LRRC4C: variants seen among roughly 807,000 people sequenced by gnomAD.
The protein encoded by LRRC4C is leucine-rich repeat-containing protein 4C.
A neutral mutation model predicts 33.6 loss-of-function variants in LRRC4C; 5 were observed. The ratio of observed to expected loss-of-function variants is 0.15; its 90% CI spans 0.08 to 0.31. The LOEUF is 0.31. LRRC4C is among the 10% of genes least tolerant of loss of function. LRRC4C has a pLI of 1.00. For missense variants in LRRC4C, 560 were observed against 796.7 expected, an observed-to-expected ratio of 0.70 and a Z score of 3.58; for synonymous variants, 329 against 302.0, an observed-to-expected ratio of 1.09 and a Z score of -0.93.
chr11:40,831,618 G>A (rs1320798657), intron 2 of LRRC4C, among the ~76,000 whole-genome samples: 2 of 151,958 alleles, frequency 1.3e-5, no homozygotes, highest in African/African-American at 4.8e-5. Context: ...AGAAATACCC[G>A]AGACTGGGTA....
chr11:41,240,193 A>T (rs1795137303), intron 1 of LRRC4C, among the ~76,000 whole-genome samples: 1 of 152,234 alleles, frequency 6.6e-6, no homozygotes, highest in African/African-American at 2.4e-5. Flanking sequence ...TTTGTGTATC[A>T]TGAGATTTCC....
At chr11:40,446,581 G>A (rs1015226842) in intron 3 of LRRC4C, 4 of 152,102 alleles carry the variant, frequency 2.6e-5, no homozygotes, top group Non-Finnish European at 4.4e-5. Flanking sequence ...TTTTGGCAGT[G>A]TATTAGTCTG....
Position 40,134,009 on chromosome 11 carries a change from C to A in LRRC4C, c.-43+6792G>T, listed in dbSNP as rs368804096. On this transcript the variant is annotated intron_variant, in intron 6 of 6. Transcript: ENST00000528697. ...CAGGAATTATAATGCAGCAGAAAAT[C>A]CTAGAGAAATTCTATTCTCTATTCT... 5.1e-4 allele frequency among the ~76,000 whole-genome samples: 78 copies of A among 152,154 alleles called. 2 individuals are homozygous for A. The South Asian group carries it at 0.016, about 31-fold the overall frequency.
At chr11:40,129,509 T>C (rs1056402188) in intron 6 of LRRC4C, among the ~76,000 whole-genome samples, 8 of 152,096 alleles carry the variant, frequency 5.3e-5, no homozygotes, top group Admixed American at 5.2e-4. Flanking sequence ...GCCTTGAAAA[T>C]TTCTGCCTAA....
At chr11:40,153,595 AAAC>A (rs1266831230) in intron 5 of LRRC4C, among the ~76,000 whole-genome samples, 1 of 152,136 alleles carries the variant, frequency 6.6e-6, no homozygotes, top group African/African-American at 2.4e-5. Flanking sequence ...TTAAAAAAAA[AAAC>A]AATAAAAAAT....
intron 4 of LRRC4C, among the ~76,000 whole-genome samples, chr11:40,285,688 C>T (rs192810946): frequency 6.6e-6 from 1 of 152,210 alleles, no homozygotes; most frequent in African/African-American, 2.4e-5. Flanking sequence ...TATATGTGAC[C>T]TAAGCAGCTG....
chr11:40,707,028 A>G (rs556484337), intron 2 of LRRC4C, among the ~76,000 whole-genome samples: 10 of 152,306 alleles, frequency 6.6e-5, no homozygotes, highest in African/African-American at 1.9e-4. Flanking sequence ...TTATAAGCAT[A>G]TAAGTATACT....
chr11:40,539,250 TG>T (rs1442835338), intron 3 of LRRC4C, among the ~76,000 whole-genome samples: 3 of 152,216 alleles, frequency 2.0e-5, no homozygotes, highest in Non-Finnish European at 4.4e-5. Flanking sequence ...CCATTTCACA[TG>T]CTTCACCATT....
rs867891566 is a variant in LRRC4C, at chr11:40,380,093, A to T, written c.-269-60372T>A. ...ATATTTCAGTGAAACCATGTACAAG[A>T]TACAAGATTTACATAAAGGAAAAAT... On this transcript the variant is annotated intron_variant, in intron 3 of 6. Coordinates refer to ENST00000528697, the MANE Select transcript of LRRC4C (RefSeq NM_001258419.2). Among the ~76,000 whole-genome samples, 5 of 152,346 alleles carry T rather than the reference A, an allele frequency of 3.3e-5. No homozygotes were observed. The South Asian group carries it at 1.0e-3, about 32-fold the overall frequency.
At chr11:41,405,046 T>C (rs1449200141) in intron 1 of LRRC4C, among the ~76,000 whole-genome samples, 1 of 152,144 alleles carries the variant, frequency 6.6e-6, no homozygotes, top group Non-Finnish European at 1.5e-5. Context: ...CCAGCACTAT[T>C]TGCTTTATTG....
chr11:41,041,038 T>A (rs1857400495), intron 1 of LRRC4C, among the ~76,000 whole-genome samples: 1 of 152,150 alleles, frequency 6.6e-6, no homozygotes, highest in Admixed American at 6.5e-5. Context: ...TTAAAAGGAA[T>A]TTGTTTTAGA....
At chr11:40,268,752 C>T (rs1349613443) in intron 4 of LRRC4C, among the ~76,000 whole-genome samples, 1 of 152,128 alleles carries the variant, frequency 6.6e-6, no homozygotes, top group African/African-American at 2.4e-5. Context: ...TGTACTTCAG[C>T]ATCACTTGTG....
intron 4 of LRRC4C, among the ~76,000 whole-genome samples, chr11:40,262,251 A>C: frequency 6.6e-6 from 1 of 152,154 alleles, no homozygotes; most frequent in East Asian, 1.9e-4. Context: ...ACGGGTCATT[A>C]GAGAAACGCA....
intron 2 of LRRC4C, among the ~76,000 whole-genome samples, chr11:40,686,765 C>A (rs1053369984): frequency 1.3e-5 from 2 of 152,000 alleles, no homozygotes; most frequent in Non-Finnish European, 2.9e-5. Flanking sequence ...GACTTGAAAT[C>A]TCTATTATAA....
intron 3 of LRRC4C, among the ~76,000 whole-genome samples, chr11:40,641,356 G>T (rs1942109539): frequency 6.6e-6 from 1 of 152,126 alleles, no homozygotes; most frequent in South Asian, 2.1e-4. Flanking sequence ...AAAATTGCTT[G>T]TAAATATAAA....
chr11:40,214,297 T>A (rs1037156529), intron 5 of LRRC4C, among the ~76,000 whole-genome samples: 1 of 152,154 alleles, frequency 6.6e-6, no homozygotes, highest in African/African-American at 2.4e-5. Context: ...TCCCTGGGTT[T>A]GGGGGATTAT....
chr11:40,539,257 C>T (rs1956605114), intron 3 of LRRC4C, among the ~76,000 whole-genome samples: 1 of 152,166 alleles, frequency 6.6e-6, no homozygotes, highest in Non-Finnish European at 1.5e-5. Context: ...ACATGCTTCA[C>T]CATTTTTATG....
chr11:41,266,974 G>GCAA (rs1486124615), intron 1 of LRRC4C, among the ~76,000 whole-genome samples: 2 of 152,048 alleles, frequency 1.3e-5, no homozygotes, highest in African/African-American at 4.8e-5. Flanking sequence ...GCTATACAAG[G>GCAA]CAATATACAA....
Position 41,245,174 on chromosome 11 carries a change from G to A in LRRC4C, c.-496+214257C>T, listed in dbSNP as rs112522160. 4.5e-3 allele frequency among the ~76,000 whole-genome samples: 682 copies of A among 152,210 alleles called. 3 individuals are homozygous for A. Among genetic ancestry groups the A allele is most frequent in the African/African-American group, 0.014 (600 of 41,530 alleles). Reference sequence around the variant, plus strand: ...TGAGAATTATTAGCTAAAATATATTGTCACAGGATCCTTGGGGTGTCACTT... The same window carrying A: ...TGAGAATTATTAGCTAAAATATATTATCACAGGATCCTTGGGGTGTCACTT... On this transcript the variant is annotated intron_variant, in intron 1 of 6. Coordinates refer to ENST00000528697, the MANE Select transcript of LRRC4C (RefSeq NM_001258419.2).
Sources: gnomAD v4.1 joint callset for allele counts (sites outside exome capture counted in the v4.1 genomes callset) on GRCh38, gnomAD v4.1.1 for gene constraint, MANE v1.5 for transcripts, NCBI Gene and HGNC (gene_info 2026-07-23, HGNC 2026-07-21) for gene names.